Variants in FRRS1 observed in about 807,000 individuals in gnomAD.
The protein encoded by FRRS1 is ferric reductase 1.
In FRRS1, 51 loss-of-function variants were observed where a neutral mutation model predicts 70.7. That is an observed-to-expected ratio of 0.72 (90% CI 0.58 to 0.91). The LOEUF is 0.91. Ranked by LOEUF, FRRS1 falls within the 40% of genes least tolerant of loss-of-function variation. FRRS1 has a pLI of 0.00. For missense variants in FRRS1, 672 were observed against 726.0 expected (o/e 0.93, Z 0.86); for synonymous variants, 225 against 238.7 (o/e 0.94, Z 0.53).
intron 9 of FRRS1, 111 bp downstream of exon 9, chr1:99,728,382 A>C: frequency 2.2e-6 from 2 of 916,210 alleles, no homozygotes; most frequent in East Asian, 2.5e-5. Flanking sequence ...ATTTATAGGA[A>C]AGCGTGTGCC....
At chr1:99,734,407 T>C (rs1284183784) in intron 7 of FRRS1, among the ~76,000 whole-genome samples, 1 of 152,010 alleles carries the variant, frequency 6.6e-6, no homozygotes, top group African/African-American at 2.4e-5. Flanking sequence ...TTCAAATAAT[T>C]CAAGAAAAAA....
intron 2 of FRRS1, 32 bp from the exon 3 acceptor site, chr1:99,748,800 C>A: frequency 6.6e-7 from 1 of 1,515,816 alleles, no homozygotes; most frequent in South Asian, 1.2e-5. Context: ...CCATTATTGT[C>A]ATATATAATT....
chr1:99,739,763 T>C (rs1006250177), intron 6 of FRRS1, among the ~76,000 whole-genome samples: 2 of 152,196 alleles, frequency 1.3e-5, no homozygotes, highest in Admixed American at 6.5e-5. Context: ...TCTCTTTCTA[T>C]AGGTGAGGAA....
chr1:99,734,464 TAGAA>T (rs1174578906), intron 7 of FRRS1, among the ~76,000 whole-genome samples: 2 of 151,598 alleles, frequency 1.3e-5, no homozygotes, highest in African/African-American at 2.4e-5. Context: ...TAGATAGAAA[TAGAA>T]AGATAAAGTG....
At chr1:99,761,000 A>G (rs1236449823) in intron 1 of FRRS1, among the ~76,000 whole-genome samples, 1 of 152,202 alleles carries the variant, frequency 6.6e-6, no homozygotes, top group Non-Finnish European at 1.5e-5. Context: ...AAAGTAAGAC[A>G]AAGTAAGGGG....
intron 9 of FRRS1, among the ~76,000 whole-genome samples, chr1:99,726,105 C>A (rs1655068898): frequency 6.6e-6 from 1 of 152,152 alleles, no homozygotes; most frequent in South Asian, 2.1e-4. Flanking sequence ...GGGAACACTT[C>A]CCCCTTGCTG....
chr1:99,706,178 G>T lies in FRRS1; in HGVS notation c.*2850C>A, dbSNP rs1405254275. On this transcript the variant is annotated 3_prime_UTR_variant, in exon 17 of 17. Transcript: ENST00000646001. ...GAGGCAAGGGGATTGCTTGAGCCCA[G>T]GAGTTCGAGATCAGCCTGGGCAACA... Among the ~76,000 whole-genome samples, 2 of 151,740 alleles carry T rather than the reference G, an allele frequency of 1.3e-5. No individual in the cohort carries two copies. The highest frequency in any genetic ancestry group is 2.4e-5 in the African/African-American group (1 of 41,192).
chr1:99,714,494 A>T (rs1169657159), intron 12 of FRRS1, among the ~76,000 whole-genome samples: 1 of 151,408 alleles, frequency 6.6e-6, no homozygotes, highest in Non-Finnish European at 1.5e-5. Flanking sequence ...GTTTACATTT[A>T]AAAAAAAATA....
At chr1:99,728,767 G>C in intron 8 of FRRS1, 127 bp from the exon 9 acceptor site, 1 of 631,976 alleles carries the variant, frequency 1.6e-6, no homozygotes, top group Non-Finnish European at 2.6e-6. Context: ...TGTCTGCAGT[G>C]TCATTGTTTT....
intron 1 of FRRS1, among the ~76,000 whole-genome samples, chr1:99,758,295 G>A (rs1159474291): frequency 6.6e-6 from 1 of 152,170 alleles, no homozygotes. Context: ...AATTGAGGTC[G>A]AGTTTAGGTT....
intron 4 of FRRS1, among the ~76,000 whole-genome samples, chr1:99,742,570 A>C (rs1486195174): frequency 1.3e-5 from 2 of 152,242 alleles, no homozygotes; most frequent in Non-Finnish European, 2.9e-5. Context: ...CATGTACATT[A>C]TAAATTTATA....
rs1444558978 is a variant in FRRS1 at position 99,704,770 on chromosome 1, A to C, written c.*4258T>G. Among the ~76,000 whole-genome samples the C allele has an allele frequency of 6.6e-6, 1 of 152,068 alleles. No homozygotes were observed. Among genetic ancestry groups the C allele is most frequent in the Non-Finnish European group, 1.5e-5 (1 of 68,008 alleles). On this transcript the variant is annotated 3_prime_UTR_variant, in exon 17 of 17. Transcript: ENST00000646001. ...AGAGGAAGAGCACACGACAGATCCC[A>C]GCATGCCGACAGGCCACGACTGGCG...
intron 9 of FRRS1, 45 bp from the exon 10 acceptor site, chr1:99,719,692 T>A (rs1232258893): frequency 9.6e-7 from 1 of 1,041,042 alleles, no homozygotes; most frequent in Non-Finnish European, 1.5e-6. Flanking sequence ...AATAATTACT[T>A]CCTCAAATAA....
At chr1:99,726,100 C>CACTT (rs1655068664) in intron 9 of FRRS1, among the ~76,000 whole-genome samples, 1 of 152,124 alleles carries the variant, frequency 6.6e-6, no homozygotes, top group Non-Finnish European at 1.5e-5. Flanking sequence ...CATGGGGGAA[C>CACTT]ACTTCCCCCT....
intron 7 of FRRS1, among the ~76,000 whole-genome samples, chr1:99,730,681 C>T (rs1023890855): frequency 3.9e-5 from 6 of 152,124 alleles, no homozygotes; most frequent in East Asian, 3.9e-4. Flanking sequence ...TCCTGGCTAA[C>T]ATGGTGAAAC....
chr1:99,723,024 AC>A (rs1654909755), intron 9 of FRRS1, among the ~76,000 whole-genome samples: 1 of 152,230 alleles, frequency 6.6e-6, no homozygotes, highest in Admixed American at 6.5e-5. Flanking sequence ...CGTATGAAAA[AC>A]AATTCCATTC....
chr1:99,713,586 T>G (rs777142202), intron 12 of FRRS1, among the ~76,000 whole-genome samples: 106 of 152,236 alleles, frequency 7.0e-4, no homozygotes, highest in Non-Finnish European at 1.3e-3. Context: ...TGTGAAATTT[T>G]GATATCAAAT....
chr1:99,752,836 G>A (rs1043722053), intron 1 of FRRS1, among the ~76,000 whole-genome samples: 1 of 152,102 alleles, frequency 6.6e-6, no homozygotes, highest in Non-Finnish European at 1.5e-5. Flanking sequence ...ACATGCTGTT[G>A]GAAAAATGGT....
In FRRS1 at chr1:99,715,588, T is replaced by G; in HGVS notation, c.1321A>C (p.Arg441=). 2 of 1,592,496 alleles carry G rather than the reference T, an allele frequency of 1.3e-6. No homozygotes were observed. The highest frequency in any genetic ancestry group is 1.7e-6 in the Non-Finnish European group (2 of 1,160,446). ...MPFIYRGGWS[R]HAGYHPYLGC... ...AACCCTATTTAAGATATACTTACCC[T>G]ACTCCAGCCTCCCCTGTATATAAAC... Residue 441 remains arginine, a splice_region_variant and synonymous_variant, in exon 12 of 17, where the codon AGG becomes CGG. Coordinates refer to ENST00000646001, the MANE Select transcript of FRRS1 (RefSeq NM_001361041.2).
Sources: gnomAD v4.1 joint callset for allele counts (sites outside exome capture counted in the v4.1 genomes callset) on GRCh38, gnomAD v4.1.1 for gene constraint, MANE v1.5 for transcripts, NCBI Gene and HGNC (gene_info 2026-07-23, HGNC 2026-07-21) for gene names.